The following HOOK3 variants were observed in gnomAD, a reference collection of about 807,000 sequenced individuals.
The protein encoded by HOOK3 is hook microtubule tethering protein 3.
HOOK3 carries 24 observed loss-of-function variants against 116.3 expected under a neutral mutation model. That is an observed-to-expected ratio of 0.21 (90% confidence interval 0.15 to 0.29). The LOEUF (loss-of-function observed/expected upper bound fraction) is 0.29, where lower values mean the gene tolerates loss of function less well. HOOK3 is among the 10% of genes least tolerant of loss of function. The pLI, the probability that HOOK3 is intolerant of heterozygous loss-of-function variation, is 1.00. For missense variants in HOOK3, 632 were observed against 830.2 expected (o/e 0.76, Z 2.93); for synonymous variants, 275 against 283.0 (o/e 0.97, Z 0.28).
chr8:42,903,249 C>G (rs1807230176), intron 1 of HOOK3, among the ~76,000 whole-genome samples: 2 of 151,976 alleles, frequency 1.3e-5, no homozygotes, highest in Admixed American at 1.3e-4. Flanking sequence ...AGATAATTCC[C>G]TGGGCCTCTA....
chr8:43,010,850 G>A (rs953113991), intron 19 of HOOK3, among the ~76,000 whole-genome samples: 3 of 152,086 alleles, frequency 2.0e-5, no homozygotes, highest in African/African-American at 7.2e-5. Flanking sequence ...TCAAAATTTG[G>A]AATAGAAGTC....
rs1331907480 is a variant in HOOK3 at position 43,018,513 on chromosome 8, T to G, written c.*15T>G. 1 of 1,600,148 alleles carries G rather than the reference T, an allele frequency of 6.2e-7. No homozygotes were observed. Reference sequence around the variant, plus strand: ...CAGCAAGGTAGAGAAGTTGTGCCGCTCAATCACAGACACCTGCACCCACAA... The same window carrying G: ...CAGCAAGGTAGAGAAGTTGTGCCGCGCAATCACAGACACCTGCACCCACAA... On this transcript the variant is annotated 3_prime_UTR_variant, in exon 22 of 22. Coordinates refer to ENST00000307602, the MANE Select transcript of HOOK3 (RefSeq NM_032410.4).
chr8:43,030,092 AGTGTT>A lies in HOOK3; in HGVS notation c.*11597_*11601del, dbSNP rs1296052049. ...TTCAAAAATGAAATACAGATTTAGCAGTGTTGTACATAATGATGTCCAAGCATTTT... is the reference window on the plus strand; with the variant it reads ...TTCAAAAATGAAATACAGATTTAGCAGTACATAATGATGTCCAAGCATTTT... On this transcript the variant is annotated 3_prime_UTR_variant, in exon 22 of 22. Transcript: ENST00000307602. The A allele has an allele frequency of 4.8e-6, 1 of 209,904 alleles. No homozygotes were observed. The highest frequency in any genetic ancestry group is 7.2e-5 in the East Asian group (1 of 13,800). 13.0% of individuals were successfully genotyped at this position (209,904 alleles called of 1,614,324 possible). A position where few individuals can be genotyped will look rare whatever the true frequency, so the allele number is the denominator to read the frequency against.
At chr8:42,939,511 C>T (rs1270583368) in intron 4 of HOOK3, among the ~76,000 whole-genome samples, 13 of 136,748 alleles carry the variant, frequency 9.5e-5, no homozygotes, top group Non-Finnish European at 1.4e-4. Flanking sequence ...GGGCGGCTGG[C>T]CGGGCGGGGG....
At chr8:42,999,770 C>T (rs1586628444) in intron 16 of HOOK3, among the ~76,000 whole-genome samples, 1 of 152,082 alleles carries the variant, frequency 6.6e-6, no homozygotes, top group South Asian at 2.1e-4. Flanking sequence ...ATAATTTGAG[C>T]TAGCCACAAT....
intron 15 of HOOK3, among the ~76,000 whole-genome samples, chr8:42,993,833 A>G (rs921440973): frequency 6.6e-6 from 1 of 152,058 alleles, no homozygotes; most frequent in African/African-American, 2.4e-5. Flanking sequence ...TTTCTCCGGT[A>G]TCAGTTGTAA....
At chr8:42,990,538 G>A (rs1051192877) in intron 15 of HOOK3, among the ~76,000 whole-genome samples, 10 of 147,542 alleles carry the variant, frequency 6.8e-5, no homozygotes, top group African/African-American at 2.3e-4. Flanking sequence ...ATGGGGTTTC[G>A]CCATGTTGCC....
chr8:42,903,277 A>T (rs1360738764), intron 1 of HOOK3, among the ~76,000 whole-genome samples: 1 of 150,624 alleles, frequency 6.6e-6, no homozygotes, highest in Admixed American at 6.6e-5. Context: ...AACCGTCTCT[A>T]CCTGCAAAAC....
intron 3 of HOOK3, among the ~76,000 whole-genome samples, chr8:42,927,686 C>T (rs1807795739): frequency 6.6e-6 from 1 of 152,218 alleles, no homozygotes; most frequent in African/African-American, 2.4e-5. Flanking sequence ...CTCACTGCAA[C>T]CTCCACCTCC....
chr8:42,913,983 C>T (rs543828150), intron 2 of HOOK3, among the ~76,000 whole-genome samples: 62 of 152,212 alleles, frequency 4.1e-4, no homozygotes, highest in Non-Finnish European at 7.1e-4. Context: ...AAATGCTTTG[C>T]GCTGATTCAT....
At chr8:43,002,033 AC>A (rs1173432512) in intron 16 of HOOK3, 73 bp from the exon 17 acceptor site, 24 of 987,232 alleles carry the variant, frequency 2.4e-5, no homozygotes, top group Non-Finnish European at 3.8e-5. Context: ...TGACTATTGT[AC>A]TTTTAACTTA....
intron 2 of HOOK3, among the ~76,000 whole-genome samples, chr8:42,924,699 G>T (rs1807728706): frequency 6.6e-6 from 1 of 152,142 alleles, no homozygotes; most frequent in African/African-American, 2.4e-5. Flanking sequence ...CTGGCCAGGG[G>T]TGATGGCTCA....
intron 1 of HOOK3, among the ~76,000 whole-genome samples, chr8:42,903,410 TCTC>T (rs1807235992): frequency 6.9e-6 from 1 of 145,408 alleles, no homozygotes; most frequent in Non-Finnish European, 1.5e-5. Context: ...AGTGGCGCGA[TCTC>T]GGCTCACTGC....
At chr8:42,939,328 C>A (rs1014723622) in intron 4 of HOOK3, among the ~76,000 whole-genome samples, 1 of 150,898 alleles carries the variant, frequency 6.6e-6, no homozygotes, top group African/African-American at 2.4e-5. Flanking sequence ...CCGGACGGGG[C>A]GGCTGGTCGG....
At chr8:42,901,540 A>G (rs1420323350) in intron 1 of HOOK3, among the ~76,000 whole-genome samples, 1 of 152,246 alleles carries the variant, frequency 6.6e-6, no homozygotes, top group African/African-American at 2.4e-5. Context: ...ACTAGGGGAT[A>G]AATTTTCTTT....
At chr8:42,902,596 C>CA (rs1034587782) in intron 1 of HOOK3, among the ~76,000 whole-genome samples, 11 of 152,230 alleles carry the variant, frequency 7.2e-5, no homozygotes, top group African/African-American at 1.9e-4. Context: ...CAAACCCCCC[C>CA]AGATGATTCC....
intron 11 of HOOK3, among the ~76,000 whole-genome samples, chr8:42,972,190 A>T (rs1808739344): frequency 6.6e-6 from 1 of 151,834 alleles, no homozygotes; most frequent in Non-Finnish European, 1.5e-5. Flanking sequence ...TCATTAGCTC[A>T]TCTTTACATT....
At chr8:42,902,105 C>T (rs1336125068) in intron 1 of HOOK3, among the ~76,000 whole-genome samples, 1 of 152,130 alleles carries the variant, frequency 6.6e-6, no homozygotes, top group Non-Finnish European at 1.5e-5. Flanking sequence ...TCCAATCTTG[C>T]ATCCCTTCCC....
At chr8:42,899,870 T>C (rs1424893631) in intron 1 of HOOK3, among the ~76,000 whole-genome samples, 2 of 152,232 alleles carry the variant, frequency 1.3e-5, no homozygotes, top group East Asian at 3.8e-4. Context: ...TTGAAGATCA[T>C]AATTATATTC....
Sources: allele counts gnomAD v4.1 joint callset (sites outside exome capture counted in the v4.1 genomes callset), GRCh38; gene constraint gnomAD v4.1.1; transcripts MANE v1.5; gene names NCBI Gene and HGNC (gene_info 2026-07-23, HGNC 2026-07-21).